The following IL18RAP variants were observed in gnomAD, a reference collection of about 807,000 sequenced individuals.
IL18RAP encodes interleukin-18 receptor accessory protein.
A neutral mutation model predicts 58.1 loss-of-function variants in IL18RAP; 37 were observed. The observed-to-expected ratio is 0.64, with a 90% CI of 0.49 to 0.84. The LOEUF is 0.84. IL18RAP is among the 40% of genes least tolerant of loss of function. The pLI, the probability that IL18RAP is intolerant of heterozygous loss-of-function variation, is 0.00. For synonymous variants in IL18RAP, 268 were observed against 257.5 expected (o/e 1.04, Z -0.39); for missense variants, 667 against 704.8 (o/e 0.95, Z 0.61).
At chr2:102,441,196 T>C (rs1683081569) in intron 4 of IL18RAP, 116 bp from the exon 5 acceptor site, 2 of 723,798 alleles carry the variant, frequency 2.8e-6, no homozygotes, top group South Asian at 1.8e-5. Context: ...ATTAGTAAAA[T>C]GTGAAGACAG....
rs549114056 is a variant in IL18RAP at position 102,440,937 on chromosome 2, A to G, written c.731-375A>G. ...GGACTCGGATATGCTTGACTTGCAC[A>G]GTTTCTTGGGTGGATTCTCCTTTCA... On this transcript the variant is annotated intron_variant, in intron 4 of 9. Transcript: ENST00000687160. Among the ~76,000 whole-genome samples the G allele has an allele frequency of 2.0e-5, 3 of 152,300 alleles. No homozygotes were observed. In the South Asian group the frequency reaches 6.2e-4, roughly 32 times the overall value.
chr2:102,447,292 C>T (rs1454286659), intron 8 of IL18RAP, 85 bp downstream of exon 8: 1 of 1,455,444 alleles, frequency 6.9e-7, no homozygotes, highest in Non-Finnish European at 9.4e-7. Context: ...CATCACTACC[C>T]CTTGGCTTTG....
At chr2:102,430,538 T>G (rs149858675) in intron 3 of IL18RAP, among the ~76,000 whole-genome samples, 1 of 152,118 alleles carries the variant, frequency 6.6e-6, no homozygotes, top group Non-Finnish European at 1.5e-5. Flanking sequence ...GATTAATCCA[T>G]TTACATTCAA....
chr2:102,440,389 A>C (rs550517402), intron 4 of IL18RAP: 1 of 152,274 alleles, frequency 6.6e-6, no homozygotes, highest in Non-Finnish European at 1.5e-5. Context: ...ATTTAGGTGC[A>C]TAGGTGGCAC....
chr2:102,431,739 T>C (rs1018523572), intron 3 of IL18RAP, among the ~76,000 whole-genome samples: 16 of 152,114 alleles, frequency 1.1e-4, no homozygotes, highest in Non-Finnish European at 5.9e-5. Context: ...ATTTTTCAAA[T>C]ACCCACACTT....
At chr2:102,448,334 A>G (rs1683557206) in intron 8 of IL18RAP, among the ~76,000 whole-genome samples, 1 of 152,160 alleles carries the variant, frequency 6.6e-6, no homozygotes, top group Admixed American at 6.5e-5. Context: ...AATGCCCCCA[A>G]AAGTGAGAAG....
At chr2:102,451,045 ACTGCAGTGC>A (rs1278166801) in intron 9 of IL18RAP, 24 bp downstream of exon 9, 8 of 1,559,038 alleles carry the variant, frequency 5.1e-6, no homozygotes, top group Admixed American at 4.0e-5. Context: ...GTCAAGAAAA[ACTGCAGTGC>A]AAAAAGGGCA....
chr2:102,447,389 T>A (rs770349216), intron 8 of IL18RAP, among the ~76,000 whole-genome samples, 182 bp downstream of exon 8: 2 of 152,136 alleles, frequency 1.3e-5, no homozygotes, highest in Non-Finnish European at 2.9e-5. Context: ...GAAAGAAATG[T>A]CCCCACTGGA....
At chr2:102,431,096 A>C (rs1296486957) in intron 3 of IL18RAP, among the ~76,000 whole-genome samples, 2 of 152,154 alleles carry the variant, frequency 1.3e-5, no homozygotes, top group East Asian at 3.8e-4. Context: ...TCCTTTTAGC[A>C]ATTCTTAAAA....
intron 3 of IL18RAP, among the ~76,000 whole-genome samples, chr2:102,428,218 T>G (rs1682090285): frequency 6.6e-6 from 1 of 151,882 alleles, no homozygotes; most frequent in Non-Finnish European, 1.5e-5. Flanking sequence ...TAAGGGTAGT[T>G]TTTTGTATTT....
At chr2:102,427,362 T>A (rs551751274) in intron 3 of IL18RAP, among the ~76,000 whole-genome samples, 12 of 152,222 alleles carry the variant, frequency 7.9e-5, no homozygotes, top group African/African-American at 2.9e-4. Flanking sequence ...CTAATTTACA[T>A]TTCTACCAAC....
In IL18RAP at chr2:102,423,236, G is replaced by C; in HGVS notation, c.-42G>C. On this transcript the variant is annotated 5_prime_UTR_variant, in exon 1 of 10. Coordinates refer to ENST00000687160, the MANE Select transcript of IL18RAP (RefSeq NM_001393487.1). ...TCTCAAAACACTCTACTCTGGCAAAGGAATGAAGTTATTGGAGTGATGACA... is the reference window on the plus strand; with the variant it reads ...TCTCAAAACACTCTACTCTGGCAAACGAATGAAGTTATTGGAGTGATGACA... The C allele has an allele frequency of 6.3e-7, 1 of 1,578,222 alleles. No individual in the cohort carries two copies. The highest frequency in any genetic ancestry group is 8.7e-7 in the Non-Finnish European group (1 of 1,147,404).
chr2:102,438,769 G>A (rs1288131429), intron 4 of IL18RAP: 1 of 152,222 alleles, frequency 6.6e-6, no homozygotes, highest in Non-Finnish European at 1.5e-5. Flanking sequence ...ATATGTGTCA[G>A]GCTTGGAGCT....
At chr2:102,438,474 T>C (rs1682894170) in intron 4 of IL18RAP, among the ~76,000 whole-genome samples, 1 of 152,238 alleles carries the variant, frequency 6.6e-6, no homozygotes, top group Non-Finnish European at 1.5e-5. Flanking sequence ...TAAGATTTCA[T>C]TTTATATTAT....
intron 5 of IL18RAP, 51 bp downstream of exon 5, chr2:102,441,428 T>C (rs764749445): frequency 7.0e-7 from 1 of 1,427,966 alleles, no homozygotes; most frequent in Non-Finnish European, 9.9e-7. Flanking sequence ...TGGGAGCAGG[T>C]CTAAGTGTGA....
chr2:102,419,113 C>G (rs11465675), upstream of IL18RAP, among the ~76,000 whole-genome samples: 1 of 152,036 alleles, frequency 6.6e-6, no homozygotes. Flanking sequence ...TCCATATATA[C>G]GGAGTCTTCA....
chr2:102,449,387 T>A (rs955109916), intron 8 of IL18RAP, among the ~76,000 whole-genome samples: 1 of 152,236 alleles, frequency 6.6e-6, no homozygotes, highest in Non-Finnish European at 1.5e-5. Context: ...CTTTTTTGAA[T>A]GAAGCAAATT....
At chr2:102,441,191 T>A in intron 4 of IL18RAP, 121 bp from the exon 5 acceptor site, 1 of 694,914 alleles carries the variant, frequency 1.4e-6, no homozygotes, top group East Asian at 2.9e-5. Context: ...AGGTAATTAG[T>A]AAAATGTGAA....
intron 3 of IL18RAP, among the ~76,000 whole-genome samples, chr2:102,427,653 C>G (rs1283522091): frequency 2.0e-5 from 3 of 151,750 alleles, no homozygotes; most frequent in Non-Finnish European, 4.4e-5. Flanking sequence ...AAATATTTTC[C>G]CCATTTGGTG....
Sources: gnomAD v4.1 joint callset for allele counts (sites outside exome capture counted in the v4.1 genomes callset) on GRCh38, gnomAD v4.1.1 for gene constraint, MANE v1.5 for transcripts, NCBI Gene and HGNC (gene_info 2026-07-23, HGNC 2026-07-21) for gene names.